Variants in FIG4 observed in about 807,000 individuals in gnomAD.
The protein encoded by FIG4 is FIG4 phosphoinositide 5-phosphatase.
A neutral mutation model predicts 118.6 loss-of-function variants in FIG4; 112 were observed. The observed-to-expected ratio is 0.94, with a 90% confidence interval of 0.81 to 1.11. The LOEUF is 1.11. FIG4 is among the 50% of genes least tolerant of loss of function. FIG4 has a pLI of 0.00. For missense variants in FIG4, 969 were observed against 1,111.7 expected, an observed-to-expected ratio of 0.87 and a Z score of 1.83; for synonymous variants, 369 against 381.2, an observed-to-expected ratio of 0.97 and a Z score of 0.37.
At chr6:109,731,402 C>T (rs1411319369) in intron 4 of FIG4, among the ~76,000 whole-genome samples, 1 of 152,154 alleles carries the variant, frequency 6.6e-6, no homozygotes, top group Non-Finnish European at 1.5e-5. Context: ...CTCTTGGCAG[C>T]ATTGTATCTT....
At chr6:109,745,212 G>A (rs1344417260) in intron 10 of FIG4, among the ~76,000 whole-genome samples, 12 of 152,090 alleles carry the variant, frequency 7.9e-5, no homozygotes, top group African/African-American at 2.4e-5. Context: ...TTGAGGAATC[G>A]TCACACTGTC....
chr6:109,719,544 C>T (rs915760887), intron 3 of FIG4, among the ~76,000 whole-genome samples: 14 of 151,896 alleles, frequency 9.2e-5, no homozygotes, highest in African/African-American at 2.4e-4. Context: ...CCGCCACGCC[C>T]GGCTAATGTT....
intron 3 of FIG4, among the ~76,000 whole-genome samples, chr6:109,725,469 T>C (rs555253757): frequency 6.6e-6 from 1 of 152,324 alleles, no homozygotes; most frequent in East Asian, 1.9e-4. Context: ...TTCCATGGTG[T>C]ATATGTGCCA....
rs749053854 is a variant in FIG4 at position 109,796,755 on chromosome 6, T to G, written c.2460-10T>G. The G allele has an allele frequency of 1.9e-6, 3 of 1,562,346 alleles. No homozygotes were observed. The South Asian group carries it at 3.3e-5, about 17-fold the overall frequency. Reference sequence around the variant, plus strand: ...TTCTTTAGCTGACTCTTATCCATTGTAATTTGTAGATTTGTTCAGCTGGGG... The same window carrying G: ...TTCTTTAGCTGACTCTTATCCATTGGAATTTGTAGATTTGTTCAGCTGGGG... On this transcript the variant is annotated splice_polypyrimidine_tract_variant and intron_variant, in intron 21 of 22. Transcript: ENST00000230124.
chr6:109,707,563 C>T (rs1775126526), intron 1 of FIG4, among the ~76,000 whole-genome samples: 1 of 151,474 alleles, frequency 6.6e-6, no homozygotes, highest in South Asian at 2.1e-4. Flanking sequence ...AAATTCTTAC[C>T]TTTTAAAGTG....
At chr6:109,822,536 C>A (rs1324725525) in intron 22 of FIG4, among the ~76,000 whole-genome samples, 1 of 151,838 alleles carries the variant, frequency 6.6e-6, no homozygotes, top group African/African-American at 2.4e-5. Flanking sequence ...TTTCATTGAT[C>A]TTTGCTATAT....
chr6:109,715,002 C>A (rs1016208502), intron 1 of FIG4, 76 bp from the exon 2 acceptor site: 12 of 766,070 alleles, frequency 1.6e-5, no homozygotes, highest in Admixed American at 1.1e-4. Context: ...TATTTAATTT[C>A]AAAAACTAAA....
intron 1 of FIG4, among the ~76,000 whole-genome samples, chr6:109,701,227 T>C (rs1774896889): frequency 6.6e-6 from 1 of 152,198 alleles, no homozygotes; most frequent in Admixed American, 6.5e-5. Flanking sequence ...CAAACTAACC[T>C]ATTCTTTTTG....
intron 10 of FIG4, among the ~76,000 whole-genome samples, chr6:109,748,953 C>T (rs1776596321): frequency 1.3e-5 from 2 of 151,990 alleles, no homozygotes; most frequent in Admixed American, 1.3e-4. Context: ...AGTGGGGACA[C>T]AGCCAAACCA....
chr6:109,756,996 A>G (rs1341847752), intron 10 of FIG4, among the ~76,000 whole-genome samples: 1 of 152,050 alleles, frequency 6.6e-6, no homozygotes, highest in Admixed American at 6.6e-5. Flanking sequence ...CATTCCTCAG[A>G]TGGAAATGCA....
At position 109,795,731 on chromosome 6, in the gene FIG4, A is replaced by G. The variant is rs193249920; in HGVS notation, c.2460-1034A>G. ...ATTCTCCTGCCTCAGCCTCCTGAGT[A>G]GCTCGGACTACAGGTGCATGCCACC... On this transcript the variant is annotated intron_variant, in intron 21 of 22. Coordinates refer to ENST00000230124, the MANE Select transcript of FIG4 (RefSeq NM_014845.6). 1.3e-4 allele frequency among the ~76,000 whole-genome samples: 19 copies of G among 150,568 alleles called. 1 individual carries two copies. The highest frequency in any genetic ancestry group is 1.2e-3 in the Admixed American group (18 of 14,998).
At chr6:109,735,008 G>A in intron 5 of FIG4, 142 bp from the exon 6 acceptor site, 1 of 730,774 alleles carries the variant, frequency 1.4e-6, no homozygotes, top group Admixed American at 2.2e-5. Context: ...GTTTTACAGT[G>A]CTTATTTGAA....
chr6:109,712,551 T>C (rs762392301), intron 1 of FIG4, among the ~76,000 whole-genome samples: 1 of 152,222 alleles, frequency 6.6e-6, no homozygotes, highest in African/African-American at 2.4e-5. Flanking sequence ...GTACTTGTGA[T>C]TACATTATGA....
rs1465189624 is a variant in FIG4 at position 109,777,016 on chromosome 6, T to G, written c.1845T>G (p.Tyr615Ter). The change falls in exon 16 of 23, where the codon TAT becomes TAG. Residue 615 changes from tyrosine to a stop codon, truncating the protein, a stop_gained. Coordinates refer to ENST00000230124, the MANE Select transcript of FIG4 (RefSeq NM_014845.6). LOFTEE classifies it high-confidence loss of function. ...TCTGGGAGCTCCCAACAGATTTTTA[T>G]TTGCATCACAAAAATACCATGAGAC... ...PHLWELPTDF[Y>*]LHHKNTMRLL... 6.2e-7 allele frequency: 1 copy of G among 1,613,788 alleles called. No homozygotes were observed. The highest frequency in any genetic ancestry group is 1.3e-5 in the African/African-American group (1 of 74,904).
chr6:109,705,624 T>A (rs1432916588), intron 1 of FIG4, among the ~76,000 whole-genome samples: 1 of 152,234 alleles, frequency 6.6e-6, no homozygotes, highest in Non-Finnish European at 1.5e-5. Flanking sequence ...CAGATCTGCC[T>A]TCCTAAGTAT....
chr6:109,741,360 C>T (rs893609704), intron 7 of FIG4, 84 bp from the exon 8 acceptor site: 6 of 892,946 alleles, frequency 6.7e-6, no homozygotes, highest in Admixed American at 5.1e-5. Context: ...CAAGCTGTAT[C>T]TAAATGTTTA....
chr6:109,744,474 A>G (rs1399272758), intron 10 of FIG4, among the ~76,000 whole-genome samples: 1 of 152,050 alleles, frequency 6.6e-6, no homozygotes, highest in South Asian at 2.1e-4. Flanking sequence ...CCCTGAGAGT[A>G]TGAAAAGCAA....
chr6:109,756,911 C>T (rs1020797662), intron 10 of FIG4, among the ~76,000 whole-genome samples: 1 of 152,124 alleles, frequency 6.6e-6, no homozygotes, highest in Non-Finnish European at 1.5e-5. Context: ...GTAATTTGAT[C>T]GTCTGAAGCT....
intron 22 of FIG4, among the ~76,000 whole-genome samples, chr6:109,805,495 A>C (rs373059763): frequency 5.3e-4 from 81 of 152,280 alleles, no homozygotes; most frequent in Non-Finnish European, 8.8e-4. Flanking sequence ...ATTCTTAAAA[A>C]TCTTGCCTCT....
Sources: allele counts gnomAD v4.1 joint callset (sites outside exome capture counted in the v4.1 genomes callset), GRCh38; gene constraint gnomAD v4.1.1; transcripts MANE v1.5; gene names NCBI Gene and HGNC (gene_info 2026-07-23, HGNC 2026-07-21).